ALOX15: variants seen among roughly 807,000 people sequenced by gnomAD.
ALOX15 encodes the protein polyunsaturated fatty acid lipoxygenase ALOX15.
Under a neutral mutation model 71.7 loss-of-function variants are expected in ALOX15, and 68 were observed. That is an observed-to-expected ratio of 0.95 (90% CI 0.78 to 1.16). The LOEUF (loss-of-function observed/expected upper bound fraction) is 1.16. ALOX15 is among the 50% of genes most tolerant of loss of function. The pLI, the probability that ALOX15 is intolerant of heterozygous loss-of-function variation, is 0.00. For missense variants in ALOX15, 798 were observed against 818.8 expected (o/e 0.97, Z 0.31); for synonymous variants, 346 against 333.3 (o/e 1.04, Z -0.42).
At chr17:4,637,813 T>C (rs1404764176) in intron 6 of ALOX15, among the ~76,000 whole-genome samples, 6 of 152,054 alleles carry the variant, frequency 3.9e-5, no homozygotes, top group South Asian at 2.1e-4. Context: ...AGCTTACAAA[T>C]AGCAGAACCA....
Position 4,632,928 on chromosome 17 carries a change from G to A in ALOX15, c.1473C>T (p.Asp491=), listed in dbSNP as rs550148628. 1.8e-5 allele frequency: 29 copies of A among 1,614,082 alleles called. No homozygotes were observed. Among genetic ancestry groups the A allele is most frequent in the African/African-American group, 2.7e-5 (2 of 74,990 alleles). ...GACACCAGGTCTGCAGCTCTGGGTCGTCTTTCACAGCCACGTCTGTCTTAT... is the reference window on the plus strand; with the variant it reads ...GACACCAGGTCTGCAGCTCTGGGTCATCTTTCACAGCCACGTCTGTCTTAT... ...LHYKTDVAVK[D]DPELQTWCRE... is the part of the protein sequence containing the mutation. Residue 491 remains aspartate, a synonymous_variant, in exon 11 of 14, where the codon GAC becomes GAT. Transcript: ENST00000293761.
chr17:4,639,757 G>C, intron 1 of ALOX15, 126 bp from the exon 2 acceptor site: 2 of 969,554 alleles, frequency 2.1e-6, no homozygotes, highest in South Asian at 1.6e-5. Context: ...GTATCGGGGT[G>C]CGGGGACTGA....
chr17:4,638,155 A>T (rs1414918830), intron 6 of ALOX15, 62 bp downstream of exon 6: 1 of 572,088 alleles, frequency 1.7e-6, no homozygotes, highest in African/African-American at 1.9e-5. Flanking sequence ...CCGCAGCAGC[A>T]TCATTGGCAC....
rs529650102 is a variant in ALOX15 at position 4,639,464 on chromosome 17, C to G, written c.303G>C (p.Glu101Asp). 1.1e-5 allele frequency: 18 copies of G among 1,613,642 alleles called. No individual in the cohort carries two copies. In the East Asian group the frequency reaches 3.8e-4, roughly 34 times the overall value. ...EVRFPCYRWVEGNGVLSLPEG... is the reference protein window; with the variant it reads ...EVRFPCYRWVDGNGVLSLPEG... ...CAGGCAGGCTCAGGACGCCGTTGCC[C>G]TCCACCCAGCGGTAACAAGGGAACC... is the stretch of plus-strand genomic sequence containing the variant. The change falls in exon 2 of 14, where the codon GAG (glutamate) becomes GAC (aspartate). Residue 101 changes from glutamate (E) to aspartate (D), a missense_variant. This residue lies in a region of ALOX15 where 300 missense variants were observed against 283.1 expected (regional missense o/e 1.06). Coordinates refer to ENST00000293761, the MANE Select transcript of ALOX15 (RefSeq NM_001140.5).
intron 3 of ALOX15, 25 bp downstream of exon 3, chr17:4,639,026 G>T: frequency 6.2e-7 from 1 of 1,614,198 alleles, no homozygotes; most frequent in Non-Finnish European, 8.5e-7. Flanking sequence ...AGCAGCTCAC[G>T]TGGGGTCAGG....
intron 7 of ALOX15, 65 bp from the exon 8 acceptor site, chr17:4,636,033 C>T: frequency 6.5e-7 from 1 of 1,532,630 alleles, no homozygotes; most frequent in Non-Finnish European, 9.0e-7. Flanking sequence ...TTCCCGCCCC[C>T]CTTGCATGTT....
rs770898002 is a variant in ALOX15 at position 4,636,004 on chromosome 17, A to G, written c.952-36T>C. The G allele has an allele frequency of 1.4e-5, 22 of 1,600,132 alleles. 1 individual carries two copies. The South Asian group carries it at 2.4e-4, about 18-fold the overall frequency. On this transcript the variant is annotated intron_variant, in intron 7 of 13. Transcript: ENST00000293761. Reference sequence around the variant, plus strand: ...GACAAGTGTGGGGAGAGAAGGCATGAGTGCCAGGCACTCAGCGATTCCCGC... The same window carrying G: ...GACAAGTGTGGGGAGAGAAGGCATGGGTGCCAGGCACTCAGCGATTCCCGC...
chr17:4,639,356 C>G lies in ALOX15; in HGVS notation c.337+74G>C, dbSNP rs1007116489. 9 of 1,576,124 alleles carry G rather than the reference C, an allele frequency of 5.7e-6. No homozygotes were observed. In the African/African-American group the frequency reaches 1.1e-4, roughly 19 times the overall value. On this transcript the variant is annotated intron_variant, in intron 2 of 13. Transcript: ENST00000293761. ...TTCCAGCACCCCCATCCTGCGCCCT[C>G]TTCTCCACACGCGCATCCCCCCAGC...
intron 7 of ALOX15, 139 bp downstream of exon 7, chr17:4,636,976 A>T (rs554931366): frequency 9.5e-6 from 10 of 1,047,142 alleles, no homozygotes; most frequent in Non-Finnish European, 1.4e-5. Flanking sequence ...TCGAATAGAG[A>T]CTTGGCGCAT....
At chr17:4,639,279 C>A in intron 2 of ALOX15, 147 bp from the exon 3 acceptor site, 17 of 1,363,580 alleles carry the variant, frequency 1.2e-5, no homozygotes, top group Non-Finnish European at 1.7e-5. Flanking sequence ...CCACTTTGTG[C>A]CAGCTGCAGC....
At position 4,637,274 on chromosome 17, in the gene ALOX15, G is replaced by T. The variant is rs766988197; in HGVS notation, c.808-16C>A. On this transcript the variant is annotated splice_polypyrimidine_tract_variant and intron_variant, in intron 6 of 13. Coordinates refer to ENST00000293761, the MANE Select transcript of ALOX15 (RefSeq NM_001140.5). ...GTGTGCCTCCCTGGGTGGGGGAAGA[G>T]GTCAAGGGCTGCTATCAACATAAAG... The T allele has an allele frequency of 6.3e-7, 1 of 1,599,158 alleles. No homozygotes were observed. The highest frequency in any genetic ancestry group is 1.1e-5 in the South Asian group (1 of 89,262).
Position 4,638,813 on chromosome 17 carries a change from G to A in ALOX15, c.542+37C>T, listed in dbSNP as rs541838686. On this transcript the variant is annotated intron_variant, in intron 4 of 13. Coordinates refer to ENST00000293761, the MANE Select transcript of ALOX15 (RefSeq NM_001140.5). ...AGCCCCTTGGCTTCCACTAGACCAG[G>A]ACACCTCCCTCTCACCCAGCCTCCC... 3.1e-6 allele frequency: 5 copies of A among 1,613,370 alleles called. No homozygotes were observed. The African/African-American group carries it at 5.3e-5, about 17-fold the overall frequency.
In ALOX15 at chr17:4,639,469, C is replaced by G. The variant is rs1241777609; in HGVS notation, c.298G>C (p.Val100Leu). 2 of 1,613,838 alleles carry G rather than the reference C, an allele frequency of 1.2e-6. No homozygotes were observed. The highest frequency in any genetic ancestry group is 1.7e-6 in the Non-Finnish European group (2 of 1,180,012). Reference protein sequence around the residue: ...DEVRFPCYRWVEGNGVLSLPE... With the variant: ...DEVRFPCYRWLEGNGVLSLPE... The stretch of plus-strand genomic sequence containing the variant: ...AGGCTCAGGACGCCGTTGCCCTCCA[C>G]CCAGCGGTAACAAGGGAACCTGACC... Residue 100 changes from valine (V) to leucine (L), a missense_variant, in exon 2 of 14, where the codon GTG becomes CTG. By Grantham distance (32) the Val-to-Leu change is conservative. This residue lies in a region of ALOX15 where 300 missense variants were observed against 283.1 expected (regional missense o/e 1.06). Coordinates refer to ENST00000293761, the MANE Select transcript of ALOX15 (RefSeq NM_001140.5).
At chr17:4,632,313 A>G in intron 11 of ALOX15, 32 bp from the exon 12 acceptor site, 3 of 1,583,052 alleles carry the variant, frequency 1.9e-6, no homozygotes, top group Non-Finnish European at 2.6e-6. Context: ...AGAAGCTGCG[A>G]AGGCAGGAGT....
intron 2 of ALOX15, 119 bp downstream of exon 2, chr17:4,639,310 CA>C: frequency 7.0e-7 from 1 of 1,434,626 alleles, no homozygotes; most frequent in Non-Finnish European, 9.5e-7. Context: ...TCGACACCCC[CA>C]AAGACCCCGG....
At chr17:4,639,214 G>T in intron 2 of ALOX15, 82 bp from the exon 3 acceptor site, 1 of 1,539,396 alleles carries the variant, frequency 6.5e-7, no homozygotes, top group Non-Finnish European at 8.9e-7. Context: ...TCAGCACCCC[G>T]TCCTTCTGTG....
At position 4,641,551 on chromosome 17, in the gene ALOX15, G is replaced by A. The variant is rs1039010632; in HGVS notation, c.101C>T (p.Ala34Val). The change falls in exon 1 of 14, where the codon GCG becomes GTG. Residue 34 changes from alanine (A) to valine (V), a missense_variant. Ala to Val is a moderately conservative substitution (Grantham distance 64). Transcript: ENST00000293761. ...TGCGGGCCACAGTCGCTTCCCGAGC[G>A]CCGCCTCCCCGTGCTGGCCGACCAG... The part of the protein sequence containing the change: ...LWLVGQHGEA[A>V]LGKRLWPARG... 2.5e-6 allele frequency: 4 copies of A among 1,613,284 alleles called. No homozygotes were observed. Among genetic ancestry groups the A allele is most frequent in the Non-Finnish European group, 2.5e-6 (3 of 1,179,974 alleles).
chr17:4,631,338 C>T lies in ALOX15; in HGVS notation c.*262G>A. 6.0e-6 allele frequency: 3 copies of T among 497,134 alleles called. No homozygotes were observed. Among genetic ancestry groups the T allele is most frequent in the Non-Finnish European group, 7.1e-6 (2 of 280,844 alleles). The allele number at this position is 497,134 out of a possible 1,614,324, so 30.8% of individuals were successfully genotyped here. ...GATTTATATAATTGTGGCTATTTGCCATATAGATCTGAATGAAGAAAGAGG... is the reference window on the plus strand; with the variant it reads ...GATTTATATAATTGTGGCTATTTGCTATATAGATCTGAATGAAGAAAGAGG... On this transcript the variant is annotated 3_prime_UTR_variant, in exon 14 of 14. Transcript: ENST00000293761.
intron 4 of ALOX15, 79 bp from the exon 5 acceptor site, chr17:4,638,763 C>T (rs1219708913): frequency 6.2e-6 from 10 of 1,612,652 alleles, no homozygotes; most frequent in Non-Finnish European, 8.5e-6. Context: ...CGATCCTGGG[C>T]CAGTCCAATG....
Sources: allele counts gnomAD v4.1 joint callset (sites outside exome capture counted in the v4.1 genomes callset), GRCh38; gene constraint gnomAD v4.1.1; regional missense constraint gnomAD v4.1.1; transcripts MANE v1.5; gene names NCBI Gene and HGNC (gene_info 2026-07-23, HGNC 2026-07-21).